ARRB1: variants seen among roughly 807,000 people sequenced by gnomAD.
The protein encoded by ARRB1 is arrestin beta 1.
Under a neutral mutation model 56.8 loss-of-function variants are expected in ARRB1, and 21 were observed. The observed-to-expected ratio is 0.37, with a 90% CI of 0.26 to 0.53. ARRB1 has a LOEUF of 0.53. ARRB1 is among the 20% of genes least tolerant of loss of function. The probability of loss-of-function intolerance (pLI) is 0.88; values close to 1 mark genes in which losing one functional copy is unlikely to be tolerated. For synonymous variants in ARRB1, 210 were observed against 218.6 expected (o/e 0.96, Z 0.35); for missense variants, 424 against 553.7 (o/e 0.77, Z 2.35).
chr11:75,268,853 G>A, intron 14 of ARRB1, 36 bp downstream of exon 14: 4 of 1,598,636 alleles, frequency 2.5e-6, no homozygotes, highest in East Asian at 2.2e-5. Context: ...AGCTGCTAGA[G>A]AACCCCTACC....
chr11:75,288,684 C>T (rs1254665630), intron 2 of ARRB1, among the ~76,000 whole-genome samples: 2 of 149,554 alleles, frequency 1.3e-5, no homozygotes, highest in Non-Finnish European at 3.0e-5. Flanking sequence ...GGTGCAATTT[C>T]AGCTCACTGC....
chr11:75,305,210 AT>A (rs112845043), intron 1 of ARRB1, among the ~76,000 whole-genome samples: 530 of 131,488 alleles, frequency 4.0e-3, no homozygotes, highest in East Asian at 0.011. Flanking sequence ...TAATTTTTGT[AT>A]TTTTTTTTTT....
chr11:75,326,735 T>TC (rs1366732801), intron 1 of ARRB1, among the ~76,000 whole-genome samples: 1 of 149,602 alleles, frequency 6.7e-6, no homozygotes, highest in African/African-American at 2.5e-5. Context: ...TTTTTTTTTT[T>TC]TTTTTTTTGA....
Position 75,287,372 on chromosome 11 carries a change from T to C in ARRB1, c.55A>G (p.Thr19Ala). The change falls in exon 3 of 16, where the codon ACC (threonine) becomes GCC (alanine). Residue 19 changes from threonine to alanine, a missense_variant. Around this residue, in one of 3 missense-constraint regions of ARRB1, gnomAD observed 301 missense variants for 387.9 expected, o/e 0.78. Coordinates refer to ENST00000420843, the MANE Select transcript of ARRB1 (RefSeq NM_004041.5). ...AAGTCCCGCTTTCCCAGGTAGACGG[T>C]GAGCTGAGGAGGAGAGGCATAGGGG... is the stretch of plus-strand genomic sequence containing the variant. ...FKKASPNGKL[T>A]VYLGKRDFVD... The C allele has an allele frequency of 7.1e-6, 11 of 1,559,686 alleles. No individual in the cohort carries two copies. Among genetic ancestry groups the C allele is most frequent in the Non-Finnish European group, 9.6e-6 (11 of 1,151,334 alleles).
At chr11:75,267,602 C>CCCCCCCCCCCCG in intron 15 of ARRB1, 50 bp downstream of exon 15, 2 of 1,462,856 alleles carry the variant, frequency 1.4e-6, no homozygotes, top group Non-Finnish European at 1.9e-6. Flanking sequence ...CCCTCCACCC[C>CCCCCCCCCCCCG]GCCCACCCGC....
intron 1 of ARRB1, among the ~76,000 whole-genome samples, chr11:75,300,946 C>T (rs1243224931): frequency 5.5e-5 from 7 of 127,788 alleles, no homozygotes; most frequent in South Asian, 2.4e-4. Context: ...CCAGCCTGGG[C>T]GACAGAGCGA....
At position 75,281,080 on chromosome 11, in the gene ARRB1, G is replaced by A; in HGVS notation, c.477C>T (p.His159=). ...FCAENLEEKI[H]KRNSVRLVIR... Reference sequence around the variant, plus strand: ...CACCCTGGCATCCTACTCACCGCTTGTGGATCTTCTCCTCCAAATTCTCCG... The same window carrying A: ...CACCCTGGCATCCTACTCACCGCTTATGGATCTTCTCCTCCAAATTCTCCG... The change falls in exon 7 of 16, where the codon CAC becomes CAT. Residue 159 remains histidine (H), a synonymous_variant. Coordinates refer to ENST00000420843, the MANE Select transcript of ARRB1 (RefSeq NM_004041.5). 1 of 1,602,134 alleles carries A rather than the reference G, an allele frequency of 6.2e-7. No individual in the cohort carries two copies. The highest frequency in any genetic ancestry group is 8.5e-7 in the Non-Finnish European group (1 of 1,173,942).
intron 1 of ARRB1, among the ~76,000 whole-genome samples, chr11:75,299,650 G>A (rs1946849751): frequency 6.6e-6 from 1 of 152,128 alleles, no homozygotes; most frequent in Non-Finnish European, 1.5e-5. Context: ...CTAAGTCTGG[G>A]TTAGGAGCCC....
chr11:75,301,490 C>A (rs1353289029), intron 1 of ARRB1, among the ~76,000 whole-genome samples: 1 of 152,320 alleles, frequency 6.6e-6, no homozygotes, highest in Non-Finnish European at 1.5e-5. Context: ...GGGAGCCATG[C>A]ACATTTGAGG....
chr11:75,285,743 C>A (rs1283042573), intron 3 of ARRB1, among the ~76,000 whole-genome samples: 1 of 152,180 alleles, frequency 6.6e-6, no homozygotes, highest in African/African-American at 2.4e-5. Flanking sequence ...TCTGTGAACA[C>A]CTGCTGAACA....
At position 75,306,621 on chromosome 11, in the gene ARRB1, C is replaced by G. The variant is rs190430655; in HGVS notation, c.21-16582G>C. ...GGCCAGCCCAGAAGCAGCGCCAAAG[C>G]AGTGGACTGTGAGGTGGAGGGAGCC... On this transcript the variant is annotated intron_variant, in intron 1 of 15. Transcript: ENST00000420843. 3.1e-6 allele frequency: 4 copies of G among 1,289,068 alleles called. No homozygotes were observed. In the East Asian group the frequency reaches 2.2e-4, roughly 72 times the overall value. 79.9% of individuals were successfully genotyped at this position (1,289,068 alleles called of 1,614,324 possible). A position where few individuals can be genotyped will look rare whatever the true frequency, so the allele number is the denominator to read the frequency against.
chr11:75,284,391 C>A, intron 3 of ARRB1, 112 bp from the exon 4 acceptor site: 1 of 1,163,964 alleles, frequency 8.6e-7, no homozygotes, highest in East Asian at 2.6e-5. Context: ...TAAAATCATC[C>A]TGAGAAAAAT....
intron 1 of ARRB1, among the ~76,000 whole-genome samples, chr11:75,343,207 T>C (rs1264705612): frequency 6.6e-6 from 1 of 152,000 alleles, no homozygotes; most frequent in Non-Finnish European, 1.5e-5. Context: ...GAGGGAGGGA[T>C]GAGTGCTGAG....
chr11:75,287,788 T>C (rs944770741), intron 2 of ARRB1, among the ~76,000 whole-genome samples: 1 of 152,236 alleles, frequency 6.6e-6, no homozygotes, highest in Admixed American at 6.5e-5. Context: ...CGGGCCGCGC[T>C]GTGTTCTTCA....
In ARRB1 at chr11:75,265,719, TC is replaced by T; in HGVS notation, c.*443del. The stretch of plus-strand genomic sequence containing the variant: ...CAGAAGGAGGTGGCCTTCAACGCGG[TC>T]ATCTTTTAGCTGCCAGAACTTTGTT... On this transcript the variant is annotated 3_prime_UTR_variant, in exon 16 of 16. Coordinates refer to ENST00000420843, the MANE Select transcript of ARRB1 (RefSeq NM_004041.5). 5.6e-6 allele frequency: 1 copy of T among 179,446 alleles called. No homozygotes were observed. Among genetic ancestry groups the T allele is most frequent in the Admixed American group, 5.7e-5 (1 of 17,498 alleles). 11.1% of individuals were successfully genotyped at this position (179,446 alleles called of 1,614,324 possible). A position where few individuals can be genotyped will look rare whatever the true frequency, so the allele number is the denominator to read the frequency against.
intron 1 of ARRB1, among the ~76,000 whole-genome samples, chr11:75,320,102 T>C (rs1052241191): frequency 6.6e-6 from 1 of 151,882 alleles, no homozygotes; most frequent in Non-Finnish European, 1.5e-5. Context: ...TCCCAGGAGA[T>C]TTGGGCTTCA....
intron 1 of ARRB1, among the ~76,000 whole-genome samples, chr11:75,351,245 C>A (rs534458055): frequency 2.2e-4 from 33 of 152,178 alleles, no homozygotes; most frequent in African/African-American, 7.5e-4. Flanking sequence ...CCAGTGTGTG[C>A]GCCAGCATGC....
chr11:75,282,250 AATAG>A, intron 5 of ARRB1: 1 of 491,282 alleles, frequency 2.0e-6, no homozygotes, highest in Non-Finnish European at 3.6e-6. Flanking sequence ...CAATGGTTTA[AATAG>A]ATCTTTCTAT....
At chr11:75,275,081 G>A (rs939686903) in intron 10 of ARRB1, 1 of 150,746 alleles carries the variant, frequency 6.6e-6, no homozygotes, top group African/African-American at 2.5e-5. Flanking sequence ...CTCCAGCCTG[G>A]GCAACAGAGT....
Sources: allele counts gnomAD v4.1 joint callset (sites outside exome capture counted in the v4.1 genomes callset), GRCh38; gene constraint gnomAD v4.1.1; regional missense constraint gnomAD v4.1.1; transcripts MANE v1.5; gene names NCBI Gene and HGNC (gene_info 2026-07-23, HGNC 2026-07-21).